The following KIF21B variants were observed in gnomAD, a reference collection of about 807,000 sequenced individuals.
KIF21B encodes kinesin family member 21B.
A neutral mutation model predicts 192.9 loss-of-function variants in KIF21B; 85 were observed. The observed-to-expected ratio is 0.44, with a 90% CI of 0.37 to 0.53. KIF21B has a LOEUF of 0.53. KIF21B is among the 20% of genes least tolerant of loss of function. KIF21B has a pLI of 0.00. For synonymous variants in KIF21B, 832 were observed against 884.6 expected (o/e 0.94, Z 1.05); for missense variants, 1,716 against 2,194.8 (o/e 0.78, Z 4.36).
At position 201,005,331 on chromosome 1, in the gene KIF21B, G is replaced by T. The variant is rs773539819; in HGVS notation, c.709C>A (p.Arg237Ser). 6.2e-7 allele frequency: 1 copy of T among 1,608,562 alleles called. No individual in the cohort carries two copies. The highest frequency in any genetic ancestry group is 1.7e-5 in the Admixed American group (1 of 59,456). The change falls in exon 5 of 35, where the codon CGC becomes AGC. Residue 237 changes from arginine to serine, a missense_variant. Arg to Ser is a moderately radical substitution (Grantham distance 110). Transcript: ENST00000461742. The part of the protein sequence containing the change: ...AIFTIHLCQM[R>S]MCTQPDLVNE... ...ACCAGGTCGGGCTGGGTGCACATGC[G>T]CATCTGGCACAGGTGGATGGTGAAG...
At chr1:201,016,896 G>A (rs1029593255) in intron 1 of KIF21B, among the ~76,000 whole-genome samples, 1 of 152,172 alleles carries the variant, frequency 6.6e-6, no homozygotes, top group Admixed American at 6.5e-5. Context: ...CCGGCATGGT[G>A]CAAGCAGTCT....
intron 24 of KIF21B, among the ~76,000 whole-genome samples, chr1:200,987,536 A>T (rs1245579639): frequency 1.3e-5 from 2 of 151,942 alleles, no homozygotes; most frequent in African/African-American, 4.8e-5. Context: ...GAGCCACCAC[A>T]CCCAGCCCGC....
chr1:200,998,394 C>T lies in KIF21B; in HGVS notation c.2067G>A (p.Leu689=). The change falls in exon 14 of 35, where the codon CTG becomes CTA. Residue 689 remains leucine, a synonymous_variant. Coordinates refer to ENST00000461742, the MANE Select transcript of KIF21B (RefSeq NM_001252102.2). The surrounding 1 kb of genome is among the most constrained non-coding windows in gnomAD (Gnocchi z 4.3). ...TGGCGGTGGCCTCACTGAGGTTCTG[C>T]AGCACACGGTCGCGCTCCAGCTGTG... The part of the protein sequence containing the change: ...RDTQLERDRV[L]QNLSTMECYT... 2 of 1,612,012 alleles carry T rather than the reference C, an allele frequency of 1.2e-6. No homozygotes were observed. The highest frequency in any genetic ancestry group is 1.1e-5 in the South Asian group (1 of 91,016).
At chr1:201,004,201 T>C (rs965781680) in intron 7 of KIF21B, 139 bp downstream of exon 7, 8 of 677,698 alleles carry the variant, frequency 1.2e-5, no homozygotes, top group Non-Finnish European at 2.1e-5. Flanking sequence ...ACCTCAAGGT[T>C]CCTACCTCCT....
chr1:200,987,104 G>A lies in KIF21B; in HGVS notation c.3506C>T (p.Ala1169Val). 1 of 1,614,034 alleles carries A rather than the reference G, an allele frequency of 6.2e-7. No individual in the cohort carries two copies. Among genetic ancestry groups the A allele is most frequent in the Admixed American group, 1.7e-5 (1 of 60,006 alleles). Residue 1169 changes from alanine to valine, a missense_variant, in exon 25 of 35, where the codon GCC becomes GTC. By Grantham distance (64) the Ala-to-Val change is moderately conservative. Transcript: ENST00000461742. ...GTCCTCTTTGATCTCAACGAGGGAG[G>A]CCAGGGACTTGGTGATGTTCTTGGT... ...ISTKNITKSL[A>V]SLVEIKEDGV... is the part of the protein sequence containing the mutation.
chr1:200,997,855 G>A (rs7536000), intron 14 of KIF21B, among the ~76,000 whole-genome samples: 89,011 of 151,928 alleles, frequency 0.59, 27,892 homozygotes, highest in African/African-American at 0.82. Flanking sequence ...CTGCTCTTTC[G>A]TTTATGTTTG....
At chr1:201,012,125 C>A (rs1187313086) in intron 1 of KIF21B, among the ~76,000 whole-genome samples, 1 of 152,110 alleles carries the variant, frequency 6.6e-6, no homozygotes, top group Non-Finnish European at 1.5e-5. Flanking sequence ...CCCTGGGGCC[C>A]TTTTTTGGCC....
intron 29 of KIF21B, among the ~76,000 whole-genome samples, chr1:200,980,379 TG>T (rs1408930748): frequency 3.9e-5 from 6 of 152,214 alleles, no homozygotes; most frequent in Non-Finnish European, 8.8e-5. Flanking sequence ...CTCAGCCTCC[TG>T]AGTAGCTGGG....
chr1:201,006,426 G>C (rs778371610), intron 3 of KIF21B, among the ~76,000 whole-genome samples: 2 of 152,228 alleles, frequency 1.3e-5, no homozygotes, highest in Non-Finnish European at 2.9e-5. Context: ...AGTGGAATAA[G>C]GGATGGGGGC....
intron 3 of KIF21B, among the ~76,000 whole-genome samples, chr1:201,006,911 GAC>G (rs1446543329): frequency 2.5e-5 from 3 of 121,720 alleles, no homozygotes; most frequent in South Asian, 5.3e-4. Context: ...CACAGAGACA[GAC>G]ACACACAGAC....
In KIF21B at chr1:201,020,660, T is replaced by G. The variant is rs546985180; in HGVS notation, c.41+2683A>C. On this transcript the variant is annotated intron_variant, in intron 1 of 34. Transcript: ENST00000461742. Reference sequence around the variant, plus strand: ...TGAGCCCCAGGTCCTGAAAGTTTCCTCCTCCGGCTCTCCAGGAGCCCAGGC... The same window carrying G: ...TGAGCCCCAGGTCCTGAAAGTTTCCGCCTCCGGCTCTCCAGGAGCCCAGGC... Among the ~76,000 whole-genome samples, 5 of 152,272 alleles carry G rather than the reference T, an allele frequency of 3.3e-5. No individual in the cohort carries two copies. The South Asian group carries it at 8.3e-4, about 25-fold the overall frequency.
In KIF21B at chr1:201,005,633, C is replaced by G. The variant is rs201113105; in HGVS notation, c.509G>C (p.Arg170Pro). The G allele has an allele frequency of 6.2e-7, 1 of 1,614,148 alleles. No homozygotes were observed. Among genetic ancestry groups the G allele is most frequent in the African/African-American group, 1.3e-5 (1 of 75,062 alleles). ...DSTRDPDTRH[R>P]RSNIKIHEDA... ...CTCGTGGATCTTGATGTTGGACCTG[C>G]GGTGGCGGGTGTCAGGGTCACGGGT... The change falls in exon 4 of 35, where the codon CGC (arginine) becomes CCC (proline). Residue 170 changes from arginine (R) to proline (P), a missense_variant. Arg to Pro is a moderately radical substitution (Grantham distance 103). Around this residue, in one of 3 missense-constraint regions of KIF21B, gnomAD observed 1,087 missense variants for 1,316.6 expected, o/e 0.83. Transcript: ENST00000461742.
chr1:201,013,662 GGGTCTTCCAACTAAAATACA>G (rs1295265391), intron 1 of KIF21B, among the ~76,000 whole-genome samples: 1 of 152,138 alleles, frequency 6.6e-6, no homozygotes, highest in Admixed American at 6.6e-5. Flanking sequence ...GTGGCCTCTA[GGGTCTTCCAACTAAAATACA>G]GGTCCTAGAG....
chr1:201,023,461 T>A lies in KIF21B; in HGVS notation c.-78A>T. 8.8e-7 allele frequency: 1 copy of A among 1,139,912 alleles called. No homozygotes were observed. Among genetic ancestry groups the A allele is most frequent in the East Asian group, 3.3e-5 (1 of 30,486 alleles). The allele number at this position is 1,139,912 out of a possible 1,614,324, so 70.6% of individuals were successfully genotyped here. On this transcript the variant is annotated 5_prime_UTR_variant, in exon 1 of 35. Transcript: ENST00000461742. This position sits in a 1 kb window ranked among gnomAD's most constrained non-coding sequence, Gnocchi z 5.9. The stretch of plus-strand genomic sequence containing the variant: ...CAATGCCCGAGGCAGCGGCTGCGGC[T>A]GCGGGAGGCGGGGGCGCGGGCGCGG...
chr1:201,020,250 C>T (rs1261381734), intron 1 of KIF21B, among the ~76,000 whole-genome samples: 2 of 152,208 alleles, frequency 1.3e-5, no homozygotes, highest in African/African-American at 4.8e-5. Flanking sequence ...TGCCATGTGA[C>T]TTAGCTTCCT....
chr1:200,988,698 T>C, intron 22 of KIF21B, 68 bp downstream of exon 22: 1 of 1,552,408 alleles, frequency 6.4e-7, no homozygotes, highest in Non-Finnish European at 8.7e-7. Flanking sequence ...GAGGGCCTTG[T>C]GGGGGTCTGA....
chr1:201,012,214 T>C (rs1455840292), intron 1 of KIF21B, among the ~76,000 whole-genome samples: 1 of 152,184 alleles, frequency 6.6e-6, no homozygotes, highest in Non-Finnish European at 1.5e-5. Context: ...AGCACCAGAC[T>C]GCTTTGCCAG....
intron 1 of KIF21B, among the ~76,000 whole-genome samples, chr1:201,013,034 T>G (rs1215953271): frequency 6.6e-6 from 1 of 152,232 alleles, no homozygotes; most frequent in Non-Finnish European, 1.5e-5. Flanking sequence ...CCTGCATGTC[T>G]GTTCACATAT....
In KIF21B at chr1:200,999,965, C is replaced by A; in HGVS notation, c.1686-1G>T. Reference sequence around the variant, plus strand: ...CTTTTTGAAGGCTTCCTTCTCGGGGCTGCTCAGGGAGGACAGGGAAGCTGG... The same window carrying A: ...CTTTTTGAAGGCTTCCTTCTCGGGGATGCTCAGGGAGGACAGGGAAGCTGG... On this transcript the variant is annotated splice_acceptor_variant, in intron 11 of 34. Coordinates refer to ENST00000461742, the MANE Select transcript of KIF21B (RefSeq NM_001252102.2). LOFTEE classifies it high-confidence loss of function. The surrounding 1 kb of genome is among the most constrained non-coding windows in gnomAD (Gnocchi z 4.7). The A allele has an allele frequency of 1.9e-6, 3 of 1,613,776 alleles. No homozygotes were observed. The highest frequency in any genetic ancestry group is 2.5e-6 in the Non-Finnish European group (3 of 1,179,994).
Sources: gnomAD v4.1 joint callset for allele counts (sites outside exome capture counted in the v4.1 genomes callset) on GRCh38, gnomAD v4.1.1 for gene constraint, gnomAD v4.1.1 regional missense constraint, Gnocchi (gnomAD v3.1) non-coding constraint, MANE v1.5 for transcripts, NCBI Gene and HGNC (gene_info 2026-07-23, HGNC 2026-07-21) for gene names.